The following SLC18A1 variants were observed in gnomAD, a reference collection of about 807,000 sequenced individuals.
The protein encoded by SLC18A1 is chromaffin granule amine transporter.
SLC18A1 carries 69 observed loss-of-function variants against 53.7 expected under a neutral mutation model. The ratio of observed to expected loss-of-function variants is 1.28; its 90% CI spans 1.06 to 1.57. The LOEUF (loss-of-function observed/expected upper bound fraction) is 1.57. Ranked by LOEUF, SLC18A1 falls within the 40% of genes most tolerant of loss-of-function variation. The pLI is 0.00. For synonymous variants in SLC18A1, 320 were observed against 248.1 expected (o/e 1.29, Z -2.72); for missense variants, 932 against 668.1 (o/e 1.40, Z -4.35).
At chr8:20,163,076 G>C (rs1221485159) in intron 10 of SLC18A1, among the ~76,000 whole-genome samples, 1 of 152,180 alleles carries the variant, frequency 6.6e-6, no homozygotes, top group African/African-American at 2.4e-5. Flanking sequence ...CAGGGTTCTG[G>C]AGGTTAAGAA....
chr8:20,180,799 C>A, intron 2 of SLC18A1, 42 bp downstream of exon 2: 1 of 1,610,660 alleles, frequency 6.2e-7, no homozygotes, highest in Non-Finnish European at 8.5e-7. Flanking sequence ...CTGCTGGGGC[C>A]CACAGCAAAT....
intron 10 of SLC18A1, among the ~76,000 whole-genome samples, chr8:20,161,683 G>C (rs2071833500): frequency 6.6e-6 from 1 of 152,208 alleles, no homozygotes; most frequent in Non-Finnish European, 1.5e-5. Flanking sequence ...CAGGGAAGAA[G>C]AAAGGGGTAA....
chr8:20,164,433 T>C (rs1479506360), intron 10 of SLC18A1, among the ~76,000 whole-genome samples: 1 of 152,196 alleles, frequency 6.6e-6, no homozygotes, highest in Non-Finnish European at 1.5e-5. Context: ...ATTAATATTG[T>C]ACAGGGTACA....
intron 4 of SLC18A1, among the ~76,000 whole-genome samples, chr8:20,176,950 C>A (rs905493504): frequency 6.6e-6 from 1 of 152,180 alleles, no homozygotes; most frequent in Non-Finnish European, 1.5e-5. Context: ...TGTCTCATGT[C>A]TCCCCAGGCA....
chr8:20,165,205 C>T, intron 8 of SLC18A1, 98 bp from the exon 9 acceptor site: 1 of 1,066,144 alleles, frequency 9.4e-7, no homozygotes, highest in Non-Finnish European at 1.4e-6. Flanking sequence ...GCTTAGAGAC[C>T]ATCTACAGTA....
At position 20,165,105 on chromosome 8, in the gene SLC18A1, A is replaced by G. The variant is rs145191875; in HGVS notation, c.861T>C (p.Ser287=). Residue 287 remains serine, a splice_region_variant and synonymous_variant, in exon 9 of 16, where the codon AGT becomes AGC. Transcript: ENST00000276373. Reference sequence around the variant, plus strand: ...GCATAAAGAGGGGAGTCCCCTTGGCACTCTGAGAACATGGATAACAAAAAA... The same window carrying G: ...GCATAAAGAGGGGAGTCCCCTTGGCGCTCTGAGAACATGGATAACAAAAAA... ...ILQPSKVSPE[S]AKGTPLFMLL... 1.2e-6 allele frequency: 2 copies of G among 1,613,918 alleles called. No homozygotes were observed. The highest frequency in any genetic ancestry group is 1.7e-6 in the Non-Finnish European group (2 of 1,179,818).
In SLC18A1 at chr8:20,150,716, G is replaced by A. The variant is rs769034509; in HGVS notation, c.1044C>T (p.Ser348=). The A allele has an allele frequency of 1.9e-6, 3 of 1,614,164 alleles. No individual in the cohort carries two copies. The South Asian group carries it at 3.3e-5, about 18-fold the overall frequency. Residue 348 remains serine (S), a synonymous_variant, in exon 11 of 16, where the codon TCC becomes TCT. Transcript: ENST00000276373. ...LGLAFLPASV[S]YLIGTNLFGV... The stretch of plus-strand genomic sequence containing the variant: ...CAAAGAGGTTGGTGCCAATGAGGTA[G>A]GACACACTGGCAGGCAAGAAAGCTA...
chr8:20,177,297 T>C (rs749722633), intron 4 of SLC18A1, among the ~76,000 whole-genome samples: 2 of 152,116 alleles, frequency 1.3e-5, no homozygotes, highest in East Asian at 1.9e-4. Flanking sequence ...CAAATTCTTG[T>C]TAAATATTGG....
chr8:20,157,543 T>C (rs1421245736), intron 10 of SLC18A1, among the ~76,000 whole-genome samples: 2 of 152,196 alleles, frequency 1.3e-5, no homozygotes, highest in Non-Finnish European at 2.9e-5. Context: ...ATATCCATTA[T>C]AACACAGGGA....
intron 3 of SLC18A1, among the ~76,000 whole-genome samples, chr8:20,178,795 G>A (rs1021417018): frequency 5.3e-5 from 8 of 152,134 alleles, no homozygotes; most frequent in Admixed American, 1.3e-4. Context: ...GGAAGCCAGT[G>A]CTCTAGATTA....
intron 8 of SLC18A1, among the ~76,000 whole-genome samples, chr8:20,169,795 T>C (rs1045934876): frequency 4.6e-5 from 7 of 152,042 alleles, no homozygotes; most frequent in Non-Finnish European, 1.0e-4. Flanking sequence ...AGGAGAATCA[T>C]TTGAACCTAG....
At position 20,180,912 on chromosome 8, in the gene SLC18A1, G is replaced by A. The variant is rs148102118; in HGVS notation, c.53C>T (p.Ala18Val). Residue 18 changes from alanine to valine, a missense_variant, in exon 2 of 16, where the codon GCG (alanine) becomes GTG (valine). Ala to Val is a moderately conservative substitution (Grantham distance 64). Transcript: ENST00000276373. The stretch of plus-strand genomic sequence containing the variant: ...CACCACCAGCACCAGCTGCCGGGAC[G>A]CTCTCCCCTCCTTCAGCAACCGCTG... ...APQRLLKEGR[A>V]SRQLVLVVVF... is the part of the protein sequence containing the mutation. 2.4e-5 allele frequency: 38 copies of A among 1,610,640 alleles called. No homozygotes were observed. The highest frequency in any genetic ancestry group is 1.6e-4 in the Middle Eastern group (1 of 6,078).
rs1361119224 is a variant in SLC18A1, at chr8:20,173,106, G to C, written c.654C>G (p.Val218=). 2 of 1,577,118 alleles carry C rather than the reference G, an allele frequency of 1.3e-6. No individual in the cohort carries two copies. The highest frequency in any genetic ancestry group is 1.8e-5 in the Admixed American group (1 of 54,344). Residue 218 remains valine, a synonymous_variant, in exon 6 of 16, where the codon GTC becomes GTG. Transcript: ENST00000276373. ...GTCCTCTCTCATGGTCATCAGTGTA[G>C]ACACTGGCCAGCATTCCAAGACCTG... The part of the protein sequence containing the change: ...SVAGLGMLAS[V]YTDDHERGRA...
At chr8:20,162,451 A>G (rs1448798943) in intron 10 of SLC18A1, among the ~76,000 whole-genome samples, 1 of 152,076 alleles carries the variant, frequency 6.6e-6, no homozygotes, top group African/African-American at 2.4e-5. Context: ...TTCTCTTTTA[A>G]CCATAAATTT....
chr8:20,163,605 G>A (rs190646777), intron 10 of SLC18A1, among the ~76,000 whole-genome samples: 40 of 152,210 alleles, frequency 2.6e-4, no homozygotes, highest in African/African-American at 7.7e-4. Context: ...GTACAGCAGC[G>A]ATTTTCTAGG....
chr8:20,159,372 C>A (rs1231146400), intron 10 of SLC18A1, among the ~76,000 whole-genome samples: 2 of 152,054 alleles, frequency 1.3e-5, no homozygotes, highest in East Asian at 3.9e-4. Context: ...GGGAAGGTGA[C>A]CACACCCACC....
At position 20,150,610 on chromosome 8, in the gene SLC18A1, G is replaced by C. The variant is rs146968671; in HGVS notation, c.1094+56C>G. On this transcript the variant is annotated intron_variant, in intron 11 of 15. Transcript: ENST00000276373. ...TGTTCATCATTCCAAGATCAGGAAC[G>C]GGCGCTCTTCCATCTTACATTTCTA... The C allele has an allele frequency of 7.1e-6, 10 of 1,416,018 alleles. No homozygotes were observed. The African/African-American group carries it at 1.4e-4, about 20-fold the overall frequency. 87.7% of individuals were successfully genotyped at this position (1,416,018 alleles called of 1,614,324 possible).
At position 20,179,401 on chromosome 8, in the gene SLC18A1, G is replaced by A. The variant is rs1436697985; in HGVS notation, c.208C>T (p.Pro70Ser). 6.2e-7 allele frequency: 1 copy of A among 1,614,008 alleles called. No homozygotes were observed. Among genetic ancestry groups the A allele is most frequent in the East Asian group, 2.2e-5 (1 of 44,876 alleles). ...AAGGCAGGAGAGGCGAGGGCATGTG[G>A]GGAACTTCCGGCATGGCCGAGGTGC... ...SLHLGHAGSS[P>S]HALASPAFST... The change falls in exon 3 of 16, where the codon CCA becomes TCA. Residue 70 changes from proline to serine, a missense_variant. By Grantham distance (74) the Pro-to-Ser change is moderately conservative. Coordinates refer to ENST00000276373, the MANE Select transcript of SLC18A1 (RefSeq NM_003053.4).
intron 12 of SLC18A1, 128 bp from the exon 13 acceptor site, chr8:20,148,198 A>G (rs1274106477): frequency 2.5e-6 from 2 of 790,158 alleles, no homozygotes; most frequent in East Asian, 2.6e-5. Flanking sequence ...ATCCTCCTGC[A>G]CTCTCAGACT....
Sources: allele counts gnomAD v4.1 joint callset (sites outside exome capture counted in the v4.1 genomes callset), GRCh38; gene constraint gnomAD v4.1.1; transcripts MANE v1.5; gene names NCBI Gene and HGNC (gene_info 2026-07-23, HGNC 2026-07-21).